The following GRHL2 variants were observed in gnomAD, a reference collection of about 807,000 sequenced individuals.
GRHL2 encodes grainyhead-like protein 2 homolog.
Under a neutral mutation model 83.8 loss-of-function variants are expected in GRHL2, and 21 were observed. The observed-to-expected ratio is 0.25, with a 90% CI of 0.18 to 0.36. The LOEUF (loss-of-function observed/expected upper bound fraction) is 0.36, where lower values mean the gene tolerates loss of function less well. Among genes scored for constraint, GRHL2 ranks in the 10% least tolerant of loss-of-function variants. The probability of loss-of-function intolerance (pLI) is 1.00; values close to 1 mark genes in which losing one functional copy is unlikely to be tolerated. For synonymous variants in GRHL2, 280 were observed against 278.9 expected (o/e 1.00, Z -0.04); for missense variants, 623 against 781.8 (o/e 0.80, Z 2.42).
At chr8:101,543,479 A>G (rs1811197290) in intron 2 of GRHL2, 43 bp downstream of exon 2, 4 of 1,572,614 alleles carry the variant, frequency 2.5e-6, no homozygotes, top group Non-Finnish European at 3.5e-6. Context: ...CTGCTCCAGG[A>G]CAACCCTTTG....
chr8:101,529,177 C>G (rs1238534649), intron 1 of GRHL2: 2 of 276,586 alleles, frequency 7.2e-6, no homozygotes, highest in Admixed American at 9.8e-5. Flanking sequence ...AAAAATATGC[C>G]TGGAGCCAGC....
intron 1 of GRHL2, among the ~76,000 whole-genome samples, chr8:101,504,972 T>C (rs1330270008): frequency 8.1e-6 from 1 of 123,900 alleles, no homozygotes; most frequent in Admixed American, 9.1e-5. Context: ...AACATTGCAT[T>C]AGGAAAAAAA....
At chr8:101,598,315 ACTGCAGCCTC>A (rs112796402) in intron 7 of GRHL2, among the ~76,000 whole-genome samples, 2 of 147,678 alleles carry the variant, frequency 1.4e-5, no homozygotes, top group African/African-American at 5.0e-5. Flanking sequence ...ATCTCAGCTC[ACTGCAGCCTC>A]TGCCTCCCAG....
chr8:101,492,826 A>G (rs760105196), intron 1 of GRHL2, 37 bp downstream of exon 1: 6 of 1,604,534 alleles, frequency 3.7e-6, no homozygotes, highest in Non-Finnish European at 5.1e-6. Flanking sequence ...TGCTACTACT[A>G]CCACTTTGGG....
intron 4 of GRHL2, among the ~76,000 whole-genome samples, chr8:101,560,032 G>T (rs1488062177): frequency 6.6e-6 from 1 of 152,156 alleles, no homozygotes; most frequent in Non-Finnish European, 1.5e-5. Context: ...TTGAGGTGGA[G>T]TCTCACTGTG....
At chr8:101,502,535 G>A (rs530913481) in intron 1 of GRHL2, among the ~76,000 whole-genome samples, 11 of 152,220 alleles carry the variant, frequency 7.2e-5, no homozygotes, top group African/African-American at 1.2e-4. Context: ...GCCTTGCTGG[G>A]ATGGTAGAAA....
At chr8:101,561,747 A>G (rs1236960107) in intron 4 of GRHL2, among the ~76,000 whole-genome samples, 1 of 152,238 alleles carries the variant, frequency 6.6e-6, no homozygotes. Context: ...ACCATTTTAC[A>G]TCCACAATTC....
At chr8:101,639,591 C>T (rs1394359916) in intron 12 of GRHL2, among the ~76,000 whole-genome samples, 1 of 152,238 alleles carries the variant, frequency 6.6e-6, no homozygotes, top group Non-Finnish European at 1.5e-5. Flanking sequence ...GTGTAACCCT[C>T]TTAATTCTTG....
intron 1 of GRHL2, among the ~76,000 whole-genome samples, chr8:101,535,350 G>A (rs904744245): frequency 2.6e-5 from 4 of 152,116 alleles, no homozygotes; most frequent in Non-Finnish European, 5.9e-5. Context: ...CTAGAAGAAA[G>A]CCAAAGACTA....
At chr8:101,640,263 GTTATTATAAGCA>G (rs1277374071) in intron 12 of GRHL2, among the ~76,000 whole-genome samples, 1 of 152,056 alleles carries the variant, frequency 6.6e-6, no homozygotes, top group Non-Finnish European at 1.5e-5. Context: ...ACCTGCTAGC[GTTATTATAAGCA>G]TTAATGTATA....
chr8:101,530,487 C>G (rs1810901580), intron 1 of GRHL2, among the ~76,000 whole-genome samples: 1 of 152,142 alleles, frequency 6.6e-6, no homozygotes. Flanking sequence ...TTTGTTTGCT[C>G]TTAAATATAA....
At chr8:101,570,475 C>A (rs768369153) in intron 5 of GRHL2, 81 bp downstream of exon 5, 4 of 1,161,052 alleles carry the variant, frequency 3.4e-6, no homozygotes, top group Non-Finnish European at 5.2e-6. Flanking sequence ...ACCTTTAAAC[C>A]TTTTTTCTTT....
chr8:101,660,402 C>T (rs1187878114), intron 14 of GRHL2, among the ~76,000 whole-genome samples: 1 of 152,146 alleles, frequency 6.6e-6, no homozygotes, highest in Non-Finnish European at 1.5e-5. Flanking sequence ...ATCAGTCATC[C>T]TTCACTCACC....
intron 12 of GRHL2, among the ~76,000 whole-genome samples, chr8:101,641,835 T>C (rs1813407843): frequency 6.6e-6 from 1 of 152,204 alleles, no homozygotes; most frequent in African/African-American, 2.4e-5. Context: ...GAAGAGTCTC[T>C]TTTATAAAAT....
intron 3 of GRHL2, among the ~76,000 whole-genome samples, chr8:101,558,192 G>A (rs1811526490): frequency 6.6e-6 from 1 of 152,120 alleles, no homozygotes; most frequent in South Asian, 2.1e-4. Flanking sequence ...TTTACAGTGA[G>A]ACTGAGTGCT....
intron 4 of GRHL2, among the ~76,000 whole-genome samples, chr8:101,569,821 G>T (rs1328618744): frequency 1.3e-5 from 2 of 152,148 alleles, no homozygotes; most frequent in Non-Finnish European, 2.9e-5. Flanking sequence ...ATTATAAATA[G>T]AAATTTTATA....
intron 1 of GRHL2, among the ~76,000 whole-genome samples, chr8:101,501,623 C>T (rs1019999625): frequency 6.6e-6 from 1 of 152,090 alleles, no homozygotes; most frequent in Non-Finnish European, 1.5e-5. Context: ...TAGGGTGCGA[C>T]AGCATGTGGC....
chr8:101,675,310 C>G, the GRHL2 span, among the ~76,000 whole-genome samples: 13 of 152,008 alleles, frequency 8.6e-5, no homozygotes, highest in African/African-American at 2.9e-4. Context: ...CTAGAAAACC[C>G]CATCGTCTCA....
At chr8:101,623,433 T>G (rs1035210986) in intron 9 of GRHL2, among the ~76,000 whole-genome samples, 8 of 149,884 alleles carry the variant, frequency 5.3e-5, no homozygotes, top group African/African-American at 2.0e-4. Context: ...CAGTGCACAG[T>G]AGGACAGTAC....
Sources: allele counts gnomAD v4.1 joint callset (sites outside exome capture counted in the v4.1 genomes callset), GRCh38; gene constraint gnomAD v4.1.1; transcripts MANE v1.5; gene names NCBI Gene and HGNC (gene_info 2026-07-23, HGNC 2026-07-21).